MACROD2: variants seen among roughly 807,000 people sequenced by gnomAD.
MACROD2 encodes the protein ADP-ribose glycohydrolase MACROD2.
MACROD2 carries 36 observed loss-of-function variants against 70.4 expected under a neutral mutation model. The ratio of observed to expected loss-of-function variants is 0.51; its 90% CI spans 0.39 to 0.68. The LOEUF (loss-of-function observed/expected upper bound fraction) is 0.68, where lower values mean the gene tolerates loss of function less well. Ranked by LOEUF, MACROD2 falls within the 30% of genes least tolerant of loss-of-function variation. The probability of loss-of-function intolerance (pLI) is 0.00; values close to 1 mark genes in which losing one functional copy is unlikely to be tolerated. For missense variants in MACROD2, 496 were observed against 538.4 expected, an observed-to-expected ratio of 0.92 and a Z score of 0.78; for synonymous variants, 172 against 178.8, an observed-to-expected ratio of 0.96 and a Z score of 0.30.
chr20:15,431,285 T>C, intron 6 of MACROD2, 120 bp from the exon 7 acceptor site: 2 of 834,786 alleles, frequency 2.4e-6, no homozygotes, highest in Admixed American at 2.1e-5. Flanking sequence ...CTCCAACTCA[T>C]AGCTCTGAAT....
intron 8 of MACROD2, among the ~76,000 whole-genome samples, chr20:15,656,227 C>T (rs535275712): frequency 7.2e-5 from 11 of 152,290 alleles, no homozygotes; most frequent in Admixed American, 3.9e-4. Context: ...CTGTCAGAGG[C>T]AGAATGCTTC....
chr20:14,268,880 C>G (rs538015526), intron 3 of MACROD2, among the ~76,000 whole-genome samples: 101 of 152,128 alleles, frequency 6.6e-4, no homozygotes, highest in Non-Finnish European at 1.3e-3. Flanking sequence ...AACAAGCTAT[C>G]AGTTCCCATA....
chr20:14,234,172 T>G (rs2081847336), intron 3 of MACROD2, among the ~76,000 whole-genome samples: 1 of 152,170 alleles, frequency 6.6e-6, no homozygotes, highest in Non-Finnish European at 1.5e-5. Context: ...GACTCTGTAC[T>G]TTATGACCAA....
intron 5 of MACROD2, among the ~76,000 whole-genome samples, chr20:14,731,965 T>C (rs1258053851): frequency 6.6e-6 from 1 of 152,212 alleles, no homozygotes; most frequent in East Asian, 1.9e-4. Flanking sequence ...TCTGTATTGT[T>C]AATCTTTACA....
chr20:14,151,009 A>G (rs141306803), intron 3 of MACROD2, among the ~76,000 whole-genome samples: 1 of 152,324 alleles, frequency 6.6e-6, no homozygotes, highest in African/African-American at 2.4e-5. Flanking sequence ...TTTATCATTC[A>G]GCACCAAATA....
At chr20:15,041,104 C>T (rs545610490) in intron 5 of MACROD2, among the ~76,000 whole-genome samples, 2 of 152,164 alleles carry the variant, frequency 1.3e-5, no homozygotes, top group Non-Finnish European at 2.9e-5. Context: ...TATTTACTCA[C>T]TTCCATGAAT....
At chr20:15,940,179 C>T (rs775997133) in intron 12 of MACROD2, among the ~76,000 whole-genome samples, 16 of 152,024 alleles carry the variant, frequency 1.1e-4, no homozygotes, top group South Asian at 2.1e-4. Flanking sequence ...CTGCAACCTC[C>T]GCCTCCCAGG....
chr20:15,121,117 T>C lies in MACROD2; in HGVS notation c.419-108823T>C, dbSNP rs369632299. On this transcript the variant is annotated intron_variant, in intron 5 of 17. Transcript: ENST00000684519. The stretch of plus-strand genomic sequence containing the variant: ...TATTCTATGAAGAAAATAAAAGATA[T>C]TGTTTAAAACTAAAACCAGTTATAT... Among the ~76,000 whole-genome samples, 13 of 152,352 alleles carry C rather than the reference T, an allele frequency of 8.5e-5. 1 individual carries two copies. The East Asian group carries it at 1.2e-3, about 14-fold the overall frequency.
chr20:15,100,949 T>A (rs531846419), intron 5 of MACROD2, among the ~76,000 whole-genome samples: 2 of 152,196 alleles, frequency 1.3e-5, no homozygotes, highest in South Asian at 4.2e-4. Context: ...CCAAGAAAGA[T>A]TCTCTGCAGG....
At chr20:14,330,392 C>G (rs372154786) in intron 3 of MACROD2, among the ~76,000 whole-genome samples, 8 of 151,924 alleles carry the variant, frequency 5.3e-5, no homozygotes, top group African/African-American at 1.4e-4. Flanking sequence ...ATGTGACCCT[C>G]AAAGTAAGGA....
chr20:15,531,329 T>G (rs2146547402), intron 8 of MACROD2, among the ~76,000 whole-genome samples: 1 of 151,614 alleles, frequency 6.6e-6, no homozygotes, highest in African/African-American at 2.4e-5. Flanking sequence ...AAAAATAAAA[T>G]ATAAACATGT....
intron 13 of MACROD2, among the ~76,000 whole-genome samples, chr20:15,969,174 A>C (rs916112766): frequency 1.3e-5 from 2 of 152,252 alleles, no homozygotes; most frequent in Middle Eastern, 3.4e-3. Context: ...CATTAGGTTA[A>C]GACCAGTCCA....
At chr20:15,810,771 G>C (rs1440232885) in intron 8 of MACROD2, among the ~76,000 whole-genome samples, 1 of 152,068 alleles carries the variant, frequency 6.6e-6, no homozygotes, top group African/African-American at 2.4e-5. Context: ...AGTGCCCTCA[G>C]AAATAATGCC....
At chr20:15,470,752 T>A (rs1161899295) in intron 7 of MACROD2, among the ~76,000 whole-genome samples, 1 of 152,222 alleles carries the variant, frequency 6.6e-6, no homozygotes, top group African/African-American at 2.4e-5. Context: ...TATTACATCC[T>A]GATGTAGCAG....
intron 3 of MACROD2, among the ~76,000 whole-genome samples, chr20:14,237,814 G>A (rs2081891394): frequency 6.6e-6 from 1 of 151,384 alleles, no homozygotes; most frequent in Non-Finnish European, 1.5e-5. Context: ...TTGTCCTTGC[G>A]ATAATTTGCT....
intron 5 of MACROD2, among the ~76,000 whole-genome samples, chr20:15,227,849 T>TC (rs2076923954): frequency 7.0e-6 from 1 of 142,876 alleles, no homozygotes; most frequent in Non-Finnish European, 1.5e-5. Context: ...TTTTTTTTTT[T>TC]CAAATTTAAT....
chr20:15,032,032 G>T (rs1473891016), intron 5 of MACROD2, among the ~76,000 whole-genome samples: 1 of 152,210 alleles, frequency 6.6e-6, no homozygotes, highest in African/African-American at 2.4e-5. Context: ...AGGCGTCAGG[G>T]GGCTGTCATG....
At chr20:15,651,648 A>C (rs1181876128) in intron 8 of MACROD2, among the ~76,000 whole-genome samples, 1 of 152,128 alleles carries the variant, frequency 6.6e-6, no homozygotes, top group Non-Finnish European at 1.5e-5. Flanking sequence ...TCCGCTTTCA[A>C]TCCAATCATC....
intron 5 of MACROD2, among the ~76,000 whole-genome samples, chr20:15,137,139 A>G (rs1330793357): frequency 6.8e-6 from 1 of 146,834 alleles, no homozygotes; most frequent in African/African-American, 2.5e-5. Flanking sequence ...ACCATTGTGG[A>G]AGTCAGTGTG....
Sources: allele counts gnomAD v4.1 joint callset (sites outside exome capture counted in the v4.1 genomes callset), GRCh38; gene constraint gnomAD v4.1.1; transcripts MANE v1.5; gene names NCBI Gene and HGNC (gene_info 2026-07-23, HGNC 2026-07-21).